Variants in CSGALNACT1 observed in about 807,000 individuals in gnomAD.
The protein encoded by CSGALNACT1 is beta4GalNAcT-1.
A neutral mutation model predicts 51.0 loss-of-function variants in CSGALNACT1; 52 were observed. The ratio of observed to expected loss-of-function variants is 1.02; its 90% CI spans 0.82 to 1.29. CSGALNACT1 has a LOEUF of 1.29. Among genes scored for constraint, CSGALNACT1 ranks in the 50% most tolerant of loss-of-function variants. CSGALNACT1 has a pLI of 0.00. For missense variants in CSGALNACT1, 935 were observed against 679.2 expected (o/e 1.38, Z -4.19); for synonymous variants, 341 against 254.4 (o/e 1.34, Z -3.24).
intron 1 of CSGALNACT1, among the ~76,000 whole-genome samples, chr8:19,675,701 C>T (rs945394941): frequency 3.3e-5 from 5 of 152,062 alleles, no homozygotes; most frequent in Non-Finnish European, 7.4e-5. Flanking sequence ...ACTGTGTTGG[C>T]CAGGCTGGTC....
At chr8:19,509,098 G>C (rs1243238448) in intron 3 of CSGALNACT1, among the ~76,000 whole-genome samples, 4 of 152,182 alleles carry the variant, frequency 2.6e-5, no homozygotes, top group African/African-American at 4.8e-5. Context: ...CCTTTGAAAC[G>C]TCAGAAGCAG....
At chr8:19,636,306 T>C (rs952895036) in intron 1 of CSGALNACT1, among the ~76,000 whole-genome samples, 5 of 152,332 alleles carry the variant, frequency 3.3e-5, no homozygotes, top group African/African-American at 1.2e-4. Context: ...TGATAAACTT[T>C]ATCATAGATA....
At chr8:19,699,347 T>C (rs958042304) in intron 1 of CSGALNACT1, among the ~76,000 whole-genome samples, 1 of 152,228 alleles carries the variant, frequency 6.6e-6, no homozygotes, top group Admixed American at 6.5e-5. Context: ...CCCATGTTCA[T>C]AGTAGCATTA....
chr8:19,454,462 G>A lies in CSGALNACT1; in HGVS notation c.851+3964C>T, dbSNP rs560817498. On this transcript the variant is annotated intron_variant, in intron 5 of 9. Transcript: ENST00000454498. ...AAGGTGGTCAGATCACTTGACGTCA[G>A]GAGTTTGAGACCAGCCTGACCAACG... 2.0e-5 allele frequency among the ~76,000 whole-genome samples: 3 copies of A among 152,348 alleles called. No individual in the cohort carries two copies. In the East Asian group the frequency reaches 5.8e-4, roughly 29 times the overall value.
intron 1 of CSGALNACT1, among the ~76,000 whole-genome samples, chr8:19,662,200 A>G (rs2058822548): frequency 1.3e-5 from 2 of 151,316 alleles, no homozygotes; most frequent in South Asian, 2.1e-4. Flanking sequence ...GGTGATCAAC[A>G]TGGTGAAACC....
At chr8:19,651,135 T>C (rs747987103) in intron 1 of CSGALNACT1, among the ~76,000 whole-genome samples, 25 of 152,214 alleles carry the variant, frequency 1.6e-4, no homozygotes, top group East Asian at 5.8e-4. Context: ...GGTTTTGCCA[T>C]TGTAGTACAG....
intron 4 of CSGALNACT1, among the ~76,000 whole-genome samples, chr8:19,463,266 T>C (rs937792569): frequency 2.0e-5 from 3 of 152,314 alleles, no homozygotes; most frequent in South Asian, 4.1e-4. Flanking sequence ...CTATTGTGAA[T>C]AGCACAATTT....
chr8:19,609,530 T>G (rs573179262), intron 1 of CSGALNACT1, among the ~76,000 whole-genome samples: 1 of 151,964 alleles, frequency 6.6e-6, no homozygotes, highest in Non-Finnish European at 1.5e-5. Context: ...GAATGATCTA[T>G]TGATACACAT....
intron 1 of CSGALNACT1, among the ~76,000 whole-genome samples, chr8:19,615,414 C>T (rs1030818013): frequency 1.3e-5 from 2 of 152,228 alleles, no homozygotes; most frequent in Admixed American, 1.3e-4. Context: ...CTTTTGAACC[C>T]TCTCTTTGAG....
intron 1 of CSGALNACT1, among the ~76,000 whole-genome samples, chr8:19,702,209 A>G (rs1211122073): frequency 1.3e-5 from 2 of 151,996 alleles, no homozygotes; most frequent in African/African-American, 2.4e-5. Flanking sequence ...GCCCTTCCCA[A>G]AGGTATTCAG....
chr8:19,627,274 G>T (rs1054210698), intron 1 of CSGALNACT1, among the ~76,000 whole-genome samples: 2 of 152,140 alleles, frequency 1.3e-5, no homozygotes, highest in Non-Finnish European at 2.9e-5. Flanking sequence ...ATTATAGAGA[G>T]TGAAAAAGAT....
intron 6 of CSGALNACT1, among the ~76,000 whole-genome samples, chr8:19,435,366 G>A (rs1028341032): frequency 5.9e-5 from 9 of 152,034 alleles, no homozygotes; most frequent in East Asian, 1.9e-4. Flanking sequence ...GGTGGCGTGC[G>A]CCTATAGTCC....
rs562553146 is a variant in CSGALNACT1 at position 19,642,351 on chromosome 8, A to G, written c.-544+40122T>C. ...AGGAAGAATACAACTTCAAGAAATA[A>G]AACATAAAGCTACAATAACAGAGTA... On this transcript the variant is annotated intron_variant, in intron 1 of 9. Transcript: ENST00000332246. 3.9e-5 allele frequency among the ~76,000 whole-genome samples: 6 copies of G among 152,310 alleles called. 1 individual carries two copies. The highest frequency in any genetic ancestry group is 1.2e-4 in the African/African-American group (5 of 41,578).
At chr8:19,527,272 G>C (rs1233109494) in intron 3 of CSGALNACT1, among the ~76,000 whole-genome samples, 1 of 152,130 alleles carries the variant, frequency 6.6e-6, no homozygotes. Flanking sequence ...TGACACCTCA[G>C]CTAGGTCTTG....
chr8:19,532,778 C>G (rs1225853577), intron 3 of CSGALNACT1, among the ~76,000 whole-genome samples: 2 of 152,134 alleles, frequency 1.3e-5, no homozygotes, highest in Admixed American at 6.5e-5. Context: ...CGAGAAGGTA[C>G]AGAGAGCGAG....
intron 5 of CSGALNACT1, among the ~76,000 whole-genome samples, chr8:19,442,667 T>C (rs1213066029): frequency 6.7e-6 from 1 of 150,368 alleles, no homozygotes; most frequent in Non-Finnish European, 1.5e-5. Flanking sequence ...CATGTATACA[T>C]ATGTAACAAA....
At chr8:19,414,340 C>T (rs931803029) in intron 8 of CSGALNACT1, among the ~76,000 whole-genome samples, 1 of 150,424 alleles carries the variant, frequency 6.6e-6, no homozygotes, top group African/African-American at 2.4e-5. Flanking sequence ...TGGTAGGAGG[C>T]TCCTGCAGTG....
intron 1 of CSGALNACT1, among the ~76,000 whole-genome samples, chr8:19,652,041 T>C (rs2057859922): frequency 6.6e-6 from 1 of 152,012 alleles, no homozygotes; most frequent in Non-Finnish European, 1.5e-5. Context: ...AGCAATCCCC[T>C]GCTCCAGCCT....
chr8:19,463,136 C>A (rs1480629171), intron 4 of CSGALNACT1, among the ~76,000 whole-genome samples: 1 of 138,832 alleles, frequency 7.2e-6, no homozygotes, highest in Non-Finnish European at 1.6e-5. Context: ...TCCTGTTACT[C>A]CAAAGAACAT....
Sources: gnomAD v4.1 joint callset for allele counts (sites outside exome capture counted in the v4.1 genomes callset) on GRCh38, gnomAD v4.1.1 for gene constraint, MANE v1.5 for transcripts, NCBI Gene and HGNC (gene_info 2026-07-23, HGNC 2026-07-21) for gene names.